The following RBM20 variants were observed in gnomAD, a reference collection of about 807,000 sequenced individuals.
RBM20 encodes the protein RNA-binding protein 20.
RBM20 carries 51 observed loss-of-function variants against 110.1 expected under a neutral mutation model. That is an observed-to-expected ratio of 0.46 (90% CI 0.37 to 0.59). RBM20 has a LOEUF of 0.59. RBM20 is among the 20% of genes least tolerant of loss of function. The probability of loss-of-function intolerance (pLI) is 0.00; values close to 1 mark genes in which losing one functional copy is unlikely to be tolerated. For missense variants in RBM20, 1,512 were observed against 1,574.9 expected, an observed-to-expected ratio of 0.96 and a Z score of 0.68; for synonymous variants, 589 against 618.2, an observed-to-expected ratio of 0.95 and a Z score of 0.70.
At chr10:110,684,471 T>C (rs1590615604) in intron 1 of RBM20, among the ~76,000 whole-genome samples, 1 of 151,954 alleles carries the variant, frequency 6.6e-6, no homozygotes, top group East Asian at 1.9e-4. Context: ...GCCCAAGATA[T>C]TGTTAGAACA....
chr10:110,803,883 G>A (rs934039640), intron 7 of RBM20, among the ~76,000 whole-genome samples: 3 of 149,538 alleles, frequency 2.0e-5, no homozygotes, highest in Non-Finnish European at 4.4e-5. Context: ...GAGTAGATCT[G>A]GCTGCAGGTG....
chr10:110,672,342 A>T, intron 1 of RBM20, among the ~76,000 whole-genome samples: 1 of 151,694 alleles, frequency 6.6e-6, no homozygotes, highest in Admixed American at 6.5e-5. Flanking sequence ...CTCTCCGAAT[A>T]ATTCAACCCT....
At chr10:110,712,510 TA>T (rs1489303711) in intron 1 of RBM20, among the ~76,000 whole-genome samples, 1 of 152,210 alleles carries the variant, frequency 6.6e-6, no homozygotes, top group Non-Finnish European at 1.5e-5. Context: ...CTCACCCCTG[TA>T]ATCCCAGCAT....
chr10:110,744,978 G>C (rs142260180), intron 1 of RBM20, among the ~76,000 whole-genome samples: 1 of 152,308 alleles, frequency 6.6e-6, no homozygotes, highest in Non-Finnish European at 1.5e-5. Flanking sequence ...GGTTACTTCT[G>C]CCTCTCCGGA....
At chr10:110,734,929 C>T (rs1380392022) in intron 1 of RBM20, among the ~76,000 whole-genome samples, 8 of 152,082 alleles carry the variant, frequency 5.3e-5, no homozygotes, top group Admixed American at 2.0e-4. Context: ...TTCTGAGTGG[C>T]GTGATGAAAT....
rs564979240 is a variant in RBM20 at position 110,768,971 on chromosome 10, A to C, written c.192-11830A>C. Among the ~76,000 whole-genome samples, 9 of 152,348 alleles carry C rather than the reference A, an allele frequency of 5.9e-5. No homozygotes were observed. The South Asian group carries it at 1.7e-3, about 28-fold the overall frequency. On this transcript the variant is annotated intron_variant, in intron 1 of 13. Transcript: ENST00000369519. Reference sequence around the variant, plus strand: ...ATTTCAGTGTTTATTCTTCAGGGTCATTTAAGACAAATGGTCATGCTGTTT... The same window carrying C: ...ATTTCAGTGTTTATTCTTCAGGGTCCTTTAAGACAAATGGTCATGCTGTTT...
intron 5 of RBM20, among the ~76,000 whole-genome samples, chr10:110,795,301 C>G (rs1844535256): frequency 6.6e-6 from 1 of 152,218 alleles, no homozygotes; most frequent in African/African-American, 2.4e-5. Context: ...ACTAGCCAGG[C>G]TCAGACTCAA....
Position 110,812,933 on chromosome 10 carries a change from A to G in RBM20, c.2536A>G (p.Met846Val). The G allele has an allele frequency of 1.4e-6, 2 of 1,449,434 alleles. No individual in the cohort carries two copies. Among genetic ancestry groups the G allele is most frequent in the South Asian group, 1.5e-5 (1 of 65,764 alleles). The allele number at this position is 1,449,434 out of a possible 1,614,324, so 89.8% of individuals were successfully genotyped here. A position where few individuals can be genotyped will look rare whatever the true frequency, so the allele number is the denominator to read the frequency against. Residue 846 changes from methionine (M) to valine (V), a missense_variant, in exon 9 of 14, where the codon ATG becomes GTG. Physicochemically the swap from Met to Val is conservative, Grantham distance 21 (BLOSUM62 1). This residue lies in a region of RBM20 where 1,149 missense variants were observed against 1,169.4 expected (regional missense o/e 0.98). Transcript: ENST00000369519. ...EGADDRKENT[M>V]AENEAGKEEQ... ...AGCTGATGATAGAAAAGAAAACACA[A>G]TGGCAGAGAATGAGGTAATGATCAA...
intron 1 of RBM20, among the ~76,000 whole-genome samples, chr10:110,704,076 C>T (rs1312515739): frequency 6.6e-6 from 1 of 152,238 alleles, no homozygotes; most frequent in African/African-American, 2.4e-5. Flanking sequence ...CACACTACCA[C>T]ACTCCAGCCT....
In RBM20 at chr10:110,679,240, T is replaced by G. The variant is rs188238260; in HGVS notation, c.191+34595T>G. Among the ~76,000 whole-genome samples, 20 of 152,330 alleles carry G rather than the reference T, an allele frequency of 1.3e-4. No homozygotes were observed. In the East Asian group the frequency reaches 3.7e-3, roughly 28 times the overall value. On this transcript the variant is annotated intron_variant, in intron 1 of 13. Transcript: ENST00000369519. ...TCTTTTTTTTATTTTTAATTTTTTT[T>G]AGAGATAGAGTCTTGCTCTGTTGCC...
chr10:110,776,165 A>T (rs1187953586), intron 1 of RBM20, among the ~76,000 whole-genome samples: 2 of 152,100 alleles, frequency 1.3e-5, no homozygotes, highest in Non-Finnish European at 2.9e-5. Context: ...GCCCCTGACT[A>T]CATTCCCAGA....
chr10:110,645,856 C>G (rs1367517297), intron 1 of RBM20, among the ~76,000 whole-genome samples: 1 of 152,128 alleles, frequency 6.6e-6, no homozygotes, highest in Non-Finnish European at 1.5e-5. Context: ...TTTTATATAA[C>G]TTTCAACTAC....
At position 110,781,781 on chromosome 10, in the gene RBM20, T is replaced by G. The variant is rs567118667; in HGVS notation, c.1172T>G (p.Val391Gly). ...AAGGAGGACCAGGCGTTGCTATCTG[T>G]GCGGCCCCTGCAGGCTCATGAGCTG... The part of the protein sequence containing the change: ...RAKEDQALLS[V>G]RPLQAHELND... The change falls in exon 2 of 14, where the codon GTG becomes GGG. Residue 391 changes from valine (V) to glycine (G), a missense_variant. Physicochemically the swap from Val to Gly is moderately radical, Grantham distance 109. Coordinates refer to ENST00000369519, the MANE Select transcript of RBM20 (RefSeq NM_001134363.3). The G allele has an allele frequency of 6.4e-7, 1 of 1,551,794 alleles. No homozygotes were observed. Among genetic ancestry groups the G allele is most frequent in the Non-Finnish European group, 8.7e-7 (1 of 1,147,016 alleles).
intron 1 of RBM20, among the ~76,000 whole-genome samples, chr10:110,716,459 A>G (rs1315735878): frequency 6.6e-6 from 1 of 152,234 alleles, no homozygotes; most frequent in Non-Finnish European, 1.5e-5. Context: ...ATTGCCATTG[A>G]AAGAGTAGGA....
chr10:110,748,113 CT>C (rs1271620845), intron 1 of RBM20, among the ~76,000 whole-genome samples: 6 of 151,392 alleles, frequency 4.0e-5, no homozygotes, highest in South Asian at 4.2e-4. Context: ...GTAGTGTTAA[CT>C]TTTTTTTTCA....
chr10:110,733,790 C>A (rs1375691205), intron 1 of RBM20, among the ~76,000 whole-genome samples: 1 of 152,226 alleles, frequency 6.6e-6, no homozygotes, highest in Non-Finnish European at 1.5e-5. Context: ...CACTCTCGCT[C>A]TAAAGATAAT....
chr10:110,807,328 G>T (rs1209870186), intron 7 of RBM20, among the ~76,000 whole-genome samples: 1 of 152,188 alleles, frequency 6.6e-6, no homozygotes, highest in African/African-American at 2.4e-5. Flanking sequence ...CTGTGGTTAA[G>T]AAAATAAGGG....
rs193037001 is a variant in RBM20, at chr10:110,728,188, A to G, written c.192-52613A>G. On this transcript the variant is annotated intron_variant, in intron 1 of 13. Coordinates refer to ENST00000369519, the MANE Select transcript of RBM20 (RefSeq NM_001134363.3). ...ACCCAGTAATGGAATTGCTGGGTCA[A>G]ATGCTATTTCTTGAGCCTAGTTTTT... Among the ~76,000 whole-genome samples, 438 of 152,326 alleles carry G rather than the reference A, an allele frequency of 2.9e-3. 6 individuals are homozygous for G. The highest frequency in any genetic ancestry group is 9.7e-3 in the African/African-American group (405 of 41,568).
chr10:110,670,725 T>G (rs1862244857), intron 1 of RBM20, among the ~76,000 whole-genome samples: 1 of 152,250 alleles, frequency 6.6e-6, no homozygotes, highest in Non-Finnish European at 1.5e-5. Flanking sequence ...ATATGGCTTA[T>G]TCTCATAAAT....
Sources: allele counts gnomAD v4.1 joint callset (sites outside exome capture counted in the v4.1 genomes callset), GRCh38; gene constraint gnomAD v4.1.1; regional missense constraint gnomAD v4.1.1; transcripts MANE v1.5; gene names NCBI Gene and HGNC (gene_info 2026-07-23, HGNC 2026-07-21).